The following EYS variants were observed in gnomAD, a reference collection of about 807,000 sequenced individuals.
EYS encodes the protein EGF-like photoreceptor maintenance factor, also known as protein eyes shut homolog.
In EYS, 250 loss-of-function variants were observed where a neutral mutation model predicts 282.1. The ratio of observed to expected loss-of-function variants is 0.89; its 90% CI spans 0.80 to 0.98. The LOEUF (loss-of-function observed/expected upper bound fraction) is 0.98. Ranked by LOEUF, EYS falls within the 50% of genes least tolerant of loss-of-function variation. EYS has a pLI of 0.00. For missense variants in EYS, 4,016 were observed against 3,709.0 expected, an observed-to-expected ratio of 1.08 and a Z score of -2.15; for synonymous variants, 1,355 against 1,282.9, an observed-to-expected ratio of 1.06 and a Z score of -1.20.
At chr6:65,017,356 A>G (rs1439873037) in intron 13 of EYS, among the ~76,000 whole-genome samples, 2 of 152,218 alleles carry the variant, frequency 1.3e-5, no homozygotes, top group Admixed American at 6.5e-5. Context: ...TTTTAAATTT[A>G]TGACTTACAC....
intron 5 of EYS, among the ~76,000 whole-genome samples, chr6:65,425,209 G>C (rs1456036807): frequency 6.6e-6 from 1 of 151,836 alleles, no homozygotes; most frequent in East Asian, 1.9e-4. Context: ...GATGGTAAAG[G>C]GTACATTAAA....
chr6:64,355,590 G>A (rs1771797101), intron 29 of EYS, among the ~76,000 whole-genome samples: 1 of 151,604 alleles, frequency 6.6e-6, no homozygotes, highest in South Asian at 2.1e-4. Flanking sequence ...GTTCTCAATA[G>A]AGTTGCAGAA....
intron 23 of EYS, among the ~76,000 whole-genome samples, chr6:64,621,021 A>T (rs1226198005): frequency 2.0e-5 from 3 of 151,476 alleles, no homozygotes; most frequent in Non-Finnish European, 4.4e-5. Context: ...ATTTTTACTA[A>T]TTTTTTTTTA....
chr6:65,483,788 T>G (rs1765688727), intron 5 of EYS, among the ~76,000 whole-genome samples: 1 of 152,150 alleles, frequency 6.6e-6, no homozygotes, highest in South Asian at 2.1e-4. Context: ...TCCACGTGGC[T>G]GGGGAAGCCT....
intron 22 of EYS, among the ~76,000 whole-genome samples, chr6:64,656,753 G>A (rs930981556): frequency 1.3e-5 from 2 of 152,268 alleles, no homozygotes; most frequent in Admixed American, 1.3e-4. Context: ...GATGAGAAGG[G>A]GAAGGGGGTT....
At chr6:64,938,514 G>A (rs1583311693) in intron 15 of EYS, among the ~76,000 whole-genome samples, 1 of 151,640 alleles carries the variant, frequency 6.6e-6, no homozygotes, top group Non-Finnish European at 1.5e-5. Context: ...GTCCCCAACT[G>A]GTTTGACGTG....
chr6:63,750,818 A>G (rs545231548), intron 41 of EYS, among the ~76,000 whole-genome samples: 112 of 152,328 alleles, frequency 7.4e-4, no homozygotes, highest in African/African-American at 2.4e-3. Flanking sequence ...ATTGGTCTCC[A>G]GCATTATCAC....
At chr6:64,137,146 G>T (rs1181671941) in intron 31 of EYS, among the ~76,000 whole-genome samples, 1 of 152,144 alleles carries the variant, frequency 6.6e-6, no homozygotes, top group Non-Finnish European at 1.5e-5. Context: ...TAAACCTCAT[G>T]AACCAACCTC....
chr6:65,025,867 A>G (rs942869545), intron 13 of EYS, among the ~76,000 whole-genome samples: 3 of 152,206 alleles, frequency 2.0e-5, no homozygotes, highest in Non-Finnish European at 4.4e-5. Context: ...GGACCATTAG[A>G]AAAAACTCCC....
intron 22 of EYS, among the ~76,000 whole-genome samples, chr6:64,790,034 A>G (rs957621252): frequency 1.3e-5 from 2 of 152,026 alleles, no homozygotes; most frequent in African/African-American, 4.8e-5. Context: ...AAAAACAGCC[A>G]ATAAATCATT....
chr6:64,549,822 G>C (rs533487731), intron 26 of EYS, among the ~76,000 whole-genome samples: 1 of 151,018 alleles, frequency 6.6e-6, no homozygotes, highest in East Asian at 1.9e-4. Context: ...TGCCATGTTG[G>C]TGTGCTGCAC....
rs577640013 is a variant in EYS, at chr6:64,266,763, C to G, written c.6192-35939G>C. Among the ~76,000 whole-genome samples, 14 of 152,244 alleles carry G rather than the reference C, an allele frequency of 9.2e-5. No homozygotes were observed. The South Asian group carries it at 2.9e-3, about 32-fold the overall frequency. On this transcript the variant is annotated intron_variant, in intron 30 of 42. Coordinates refer to ENST00000503581, the MANE Select transcript of EYS (RefSeq NM_001142800.2). ...TCTGAGGAGTCACCAGCATTACTCT[C>G]TAGGGGACATGGGCTAACCCTAAGT...
chr6:64,291,506 C>T (rs144191235), intron 30 of EYS, among the ~76,000 whole-genome samples: 2,271 of 152,006 alleles, frequency 0.015, 15 homozygotes, highest in East Asian at 0.033. Context: ...ATATTGATAG[C>T]TTTCAATTGT....
At chr6:65,585,100 C>A (rs1046878627) in intron 2 of EYS, among the ~76,000 whole-genome samples, 1 of 151,488 alleles carries the variant, frequency 6.6e-6, no homozygotes, top group Non-Finnish European at 1.5e-5. Flanking sequence ...CTAAGACCAC[C>A]AGGAAAATAC....
intron 22 of EYS, among the ~76,000 whole-genome samples, chr6:64,687,967 C>G (rs1004258573): frequency 6.6e-6 from 1 of 151,804 alleles, no homozygotes; most frequent in Admixed American, 6.6e-5. Flanking sequence ...GTGTATGTGT[C>G]CAGGAATTTA....
At chr6:64,586,540 T>C (rs1268339842) in intron 26 of EYS, among the ~76,000 whole-genome samples, 1 of 152,024 alleles carries the variant, frequency 6.6e-6, no homozygotes, top group Non-Finnish European at 1.5e-5. Flanking sequence ...TAGGAAATAT[T>C]AATAGATGCC....
intron 31 of EYS, among the ~76,000 whole-genome samples, chr6:64,094,545 A>C (rs1253279520): frequency 6.6e-6 from 1 of 152,012 alleles, no homozygotes; most frequent in African/African-American, 2.4e-5. Flanking sequence ...ATTTGCGTAG[A>C]GGTGTTTCTA....
chr6:64,929,011 T>C lies in EYS; in HGVS notation c.2382-16268A>G, dbSNP rs144807007. ...GACATCAGAAGGTGTTGGGGTTGAA[T>C]TGTATCTCCCCAAAAGACCTTGAGG... On this transcript the variant is annotated intron_variant, in intron 15 of 42. Transcript: ENST00000503581. 4.3e-4 allele frequency among the ~76,000 whole-genome samples: 65 copies of C among 152,284 alleles called. 1 individual carries two copies. The highest frequency in any genetic ancestry group is 3.4e-3 in the Middle Eastern group (1 of 294).
chr6:64,763,576 T>C (rs540282073), intron 22 of EYS, among the ~76,000 whole-genome samples: 2 of 152,070 alleles, frequency 1.3e-5, no homozygotes, highest in Admixed American at 1.3e-4. Context: ...GAGCCAAACA[T>C]ATTATTCCAA....
Sources: gnomAD v4.1 joint callset for allele counts (sites outside exome capture counted in the v4.1 genomes callset) on GRCh38, gnomAD v4.1.1 for gene constraint, MANE v1.5 for transcripts, NCBI Gene and HGNC (gene_info 2026-07-23, HGNC 2026-07-21) for gene names.